The following KIAA0232 variants were observed in gnomAD, a reference collection of about 807,000 sequenced individuals.
KIAA0232 encodes uncharacterized protein KIAA0232.
KIAA0232 carries 27 observed loss-of-function variants against 122.0 expected under a neutral mutation model. That is an observed-to-expected ratio of 0.22 (90% CI 0.16 to 0.31). The LOEUF (loss-of-function observed/expected upper bound fraction) is 0.31, where lower values mean the gene tolerates loss of function less well. Among genes scored for constraint, KIAA0232 ranks in the 10% least tolerant of loss-of-function variants. The pLI, the probability that KIAA0232 is intolerant of heterozygous loss-of-function variation, is 1.00. For synonymous variants in KIAA0232, 613 were observed against 587.6 expected (o/e 1.04, Z -0.63); for missense variants, 1,551 against 1,634.2 (o/e 0.95, Z 0.88).
intron 2 of KIAA0232, among the ~76,000 whole-genome samples, chr4:6,810,832 G>C (rs1717844250): frequency 6.6e-6 from 1 of 152,124 alleles, no homozygotes; most frequent in Admixed American, 6.6e-5. Flanking sequence ...ATGAAGAAAA[G>C]CTCAGCATCA....
chr4:6,811,138 T>G lies in KIAA0232; in HGVS notation c.-270+6532T>G, dbSNP rs560466031. 1.1e-3 allele frequency among the ~76,000 whole-genome samples: 160 copies of G among 152,272 alleles called. 1 individual carries two copies. The highest frequency in any genetic ancestry group is 3.7e-3 in the African/African-American group (152 of 41,556). On this transcript the variant is annotated intron_variant, in intron 2 of 9. Transcript: ENST00000307659. ...TAGATACTCAAAGGAAAAGAACGTG[T>G]CAGAAAGATACCTGTGCTCGTATGT...
intron 5 of KIAA0232, 69 bp from the exon 6 acceptor site, chr4:6,858,356 C>G (rs1216853980): frequency 1.1e-6 from 1 of 916,976 alleles, no homozygotes; most frequent in Non-Finnish European, 1.6e-6. Flanking sequence ...AGTTGAGAAA[C>G]TTTGAAATAC....
chr4:6,813,640 G>A (rs1385830842), intron 2 of KIAA0232, among the ~76,000 whole-genome samples: 1 of 152,156 alleles, frequency 6.6e-6, no homozygotes, highest in African/African-American at 2.4e-5. Context: ...GGGATTACAG[G>A]CGTGAGCCAC....
intron 1 of KIAA0232, among the ~76,000 whole-genome samples, chr4:6,791,495 AT>A (rs1365864900): frequency 1.3e-5 from 2 of 150,034 alleles, no homozygotes; most frequent in Non-Finnish European, 3.0e-5. Flanking sequence ...CACCCAGCTA[AT>A]TTTTAAATTT....
rs571166618 is a variant in KIAA0232 at position 6,831,996 on chromosome 4, G to T, written c.231+7312G>T. ...CCTTGGCACTCACTGTCTTCTCAAT[G>T]CCTGGCACCTCAGCAGGGCTCTGAT... On this transcript the variant is annotated intron_variant, in intron 3 of 9. Coordinates refer to ENST00000307659, the MANE Select transcript of KIAA0232 (RefSeq NM_014743.3). Among the ~76,000 whole-genome samples the T allele has an allele frequency of 3.9e-5, 6 of 152,342 alleles. No individual in the cohort carries two copies. The South Asian group carries it at 1.2e-3, about 32-fold the overall frequency.
At chr4:6,851,937 C>A (rs1179510604) in intron 4 of KIAA0232, among the ~76,000 whole-genome samples, 3 of 152,106 alleles carry the variant, frequency 2.0e-5, no homozygotes, top group African/African-American at 7.2e-5. Context: ...TGTTACATCA[C>A]CCTGCTAAAG....
chr4:6,792,033 G>A (rs1716918412), intron 1 of KIAA0232, among the ~76,000 whole-genome samples: 1 of 152,154 alleles, frequency 6.6e-6, no homozygotes, highest in Non-Finnish European at 1.5e-5. Flanking sequence ...CATGTAAGAG[G>A]TGACTTTGCT....
chr4:6,833,079 C>T (rs962990475), intron 3 of KIAA0232, among the ~76,000 whole-genome samples: 11 of 152,158 alleles, frequency 7.2e-5, no homozygotes, highest in Admixed American at 3.3e-4. Flanking sequence ...TAGCGTGTCC[C>T]GTTCAGCATT....
chr4:6,848,566 G>A (rs1189549949), intron 4 of KIAA0232, among the ~76,000 whole-genome samples: 4 of 152,206 alleles, frequency 2.6e-5, no homozygotes, highest in Non-Finnish European at 5.9e-5. Context: ...AGGAGGATGT[G>A]TGTAGGTTAT....
rs561588664 is a variant in KIAA0232, at chr4:6,843,923, C to A, written c.369+1719C>A. Among the ~76,000 whole-genome samples, 52 of 138,336 alleles carry A rather than the reference C, an allele frequency of 3.8e-4. 1 individual carries two copies. In the South Asian group the frequency reaches 9.4e-3, roughly 25 times the overall value. The allele number at this position is 138,336 out of a possible 152,430, so 90.8% of individuals were successfully genotyped here. A position where few individuals can be genotyped will look rare whatever the true frequency, so the allele number is the denominator to read the frequency against. On this transcript the variant is annotated intron_variant, in intron 4 of 9. Coordinates refer to ENST00000307659, the MANE Select transcript of KIAA0232 (RefSeq NM_014743.3). Reference sequence around the variant, plus strand: ...ACTGGGCGCAAGGACCGTGAGTTACCCATCTTTTTTTTTTTTTTTTTTTTT... The same window carrying A: ...ACTGGGCGCAAGGACCGTGAGTTACACATCTTTTTTTTTTTTTTTTTTTTT...
At chr4:6,842,795 G>C (rs751846760) in intron 4 of KIAA0232, among the ~76,000 whole-genome samples, 4 of 151,938 alleles carry the variant, frequency 2.6e-5, no homozygotes, top group Non-Finnish European at 4.4e-5. Flanking sequence ...CACCATGTTG[G>C]CCAGGCTGGT....
Position 6,880,774 on chromosome 4 carries a change from GT to G in KIAA0232, c.4009-9del. Reference sequence around the variant, plus strand: ...AAGTCTTTTTGATGTGTTGAAAATTGTTTTAATCTTAGGTGTCTTCTGTTTA... The same window carrying G: ...AAGTCTTTTTGATGTGTTGAAAATTGTTTAATCTTAGGTGTCTTCTGTTTA... On this transcript the variant is annotated splice_polypyrimidine_tract_variant and intron_variant, in intron 9 of 9. Coordinates refer to ENST00000307659, the MANE Select transcript of KIAA0232 (RefSeq NM_014743.3). 6.7e-7 allele frequency: 1 copy of G among 1,498,496 alleles called. No individual in the cohort carries two copies. Among genetic ancestry groups the G allele is most frequent in the Non-Finnish European group, 8.9e-7 (1 of 1,118,874 alleles). 92.8% of individuals were successfully genotyped at this position (1,498,496 alleles called of 1,614,324 possible). A position where few individuals can be genotyped will look rare whatever the true frequency, so the allele number is the denominator to read the frequency against.
At chr4:6,806,737 C>CAAAA (rs34146483) in intron 2 of KIAA0232, among the ~76,000 whole-genome samples, 4 of 47,642 alleles carry the variant, frequency 8.4e-5, no homozygotes, top group African/African-American at 8.3e-5. Flanking sequence ...GACTCCCTCT[C>CAAAA]AAAAAAAAAA....
chr4:6,828,227 A>G (rs1213464770), intron 3 of KIAA0232, among the ~76,000 whole-genome samples: 1 of 152,166 alleles, frequency 6.6e-6, no homozygotes, highest in Non-Finnish European at 1.5e-5. Context: ...AAAAAAAATT[A>G]TCTGGATGCA....
In KIAA0232 at chr4:6,882,567, T is replaced by C. The variant is rs1335931838; in HGVS notation, c.*1601T>C. On this transcript the variant is annotated 3_prime_UTR_variant, in exon 10 of 10. Transcript: ENST00000307659. ...CCTGGTGTGCCCGCCGGGTCGATCT[T>C]CCCACGTGTTAGGGTTTATTTTTAT... The C allele has an allele frequency of 6.6e-6, 1 of 152,042 alleles. No homozygotes were observed. The highest frequency in any genetic ancestry group is 6.6e-5 in the Admixed American group (1 of 15,248). 9.4% of individuals were successfully genotyped at this position (152,042 alleles called of 1,614,324 possible). A position where few individuals can be genotyped will look rare whatever the true frequency, so the allele number is the denominator to read the frequency against.
At chr4:6,872,932 C>A (rs1041668259) in intron 8 of KIAA0232, among the ~76,000 whole-genome samples, 4 of 152,234 alleles carry the variant, frequency 2.6e-5, no homozygotes, top group Admixed American at 6.5e-5. Context: ...TGGTCTGTAG[C>A]CACAGACAGC....
chr4:6,830,143 T>G (rs1379778305), intron 3 of KIAA0232, among the ~76,000 whole-genome samples: 1 of 152,234 alleles, frequency 6.6e-6, no homozygotes, highest in Non-Finnish European at 1.5e-5. Flanking sequence ...TGCCAGCCAC[T>G]GTTGAAGGCA....
At chr4:6,819,481 G>A (rs191705474) in intron 2 of KIAA0232, among the ~76,000 whole-genome samples, 5 of 152,202 alleles carry the variant, frequency 3.3e-5, no homozygotes, top group Middle Eastern at 6.8e-3. Context: ...AGACATACAA[G>A]CAGCCAACAA....
intron 3 of KIAA0232, among the ~76,000 whole-genome samples, chr4:6,836,999 C>T (rs1408079877): frequency 2.0e-5 from 3 of 152,242 alleles, no homozygotes; most frequent in Non-Finnish European, 2.9e-5. Flanking sequence ...CCACACTTCC[C>T]CCCTTTCTAT....
Sources: allele counts gnomAD v4.1 joint callset (sites outside exome capture counted in the v4.1 genomes callset), GRCh38; gene constraint gnomAD v4.1.1; transcripts MANE v1.5; gene names NCBI Gene and HGNC (gene_info 2026-07-23, HGNC 2026-07-21).